Variants in TBCK observed in about 807,000 individuals in gnomAD.
The protein encoded by TBCK is TBC domain-containing protein kinase-like protein.
Under a neutral mutation model 113.4 loss-of-function variants are expected in TBCK, and 99 were observed. That is an observed-to-expected ratio of 0.87 (90% CI 0.74 to 1.03). The LOEUF is 1.03. Among genes scored for constraint, TBCK ranks in the 50% least tolerant of loss-of-function variants. The pLI is 0.00. For synonymous variants in TBCK, 369 were observed against 370.8 expected (o/e 1.00, Z 0.05); for missense variants, 1,045 against 1,061.3 (o/e 0.98, Z 0.21).
At position 106,171,241 on chromosome 4, in the gene TBCK, A is replaced by AT; in HGVS notation, c.2088dup (p.Ser697IlefsTer10). On this transcript the variant is annotated frameshift_variant, in exon 23 of 26. Coordinates refer to ENST00000394708, the MANE Select transcript of TBCK (RefSeq NM_001163435.3). LOFTEE classifies it high-confidence loss of function. ...GGAGTCCAACAAAACAGGTTGATAG[A>AT]TTCTCTCACACAGCGTTCAATGTCA... The AT allele has an allele frequency of 6.2e-7, 1 of 1,610,808 alleles. No homozygotes were observed. Among genetic ancestry groups the AT allele is most frequent in the Non-Finnish European group, 8.5e-7 (1 of 1,178,862 alleles).
intron 25 of TBCK, among the ~76,000 whole-genome samples, chr4:106,050,524 A>C (rs1159612585): frequency 6.6e-6 from 1 of 152,100 alleles, no homozygotes; most frequent in Admixed American, 6.6e-5. Flanking sequence ...GCTGGAAATC[A>C]GTAACAAAAG....
intron 23 of TBCK, among the ~76,000 whole-genome samples, chr4:106,168,961 T>C (rs1313630522): frequency 2.0e-5 from 3 of 152,024 alleles, no homozygotes; most frequent in African/African-American, 7.2e-5. Flanking sequence ...ACCAAGATGA[T>C]AGTCAAAGGA....
intron 24 of TBCK, among the ~76,000 whole-genome samples, chr4:106,114,712 T>C (rs865889292): frequency 6.6e-6 from 1 of 152,204 alleles, no homozygotes; most frequent in African/African-American, 2.4e-5. Flanking sequence ...AAGATTAAAA[T>C]AGGGTGTTAT....
intron 23 of TBCK, among the ~76,000 whole-genome samples, chr4:106,152,805 TGGTA>T (rs1478381934): frequency 6.6e-6 from 1 of 152,086 alleles, no homozygotes; most frequent in East Asian, 1.9e-4. Flanking sequence ...GGTTCAATCT[TGGTA>T]GGTTGTATGT....
chr4:106,093,325 T>G (rs900524964), intron 25 of TBCK, among the ~76,000 whole-genome samples: 2 of 152,098 alleles, frequency 1.3e-5, no homozygotes, highest in Non-Finnish European at 2.9e-5. Flanking sequence ...TCTAACATGG[T>G]GAAACCCCGT....
chr4:106,246,991 T>C, intron 10 of TBCK, 148 bp downstream of exon 10: 1 of 819,152 alleles, frequency 1.2e-6, no homozygotes, highest in Non-Finnish European at 1.8e-6. Flanking sequence ...AGCCAGTCAG[T>C]TATATTTTAA....
intron 20 of TBCK, among the ~76,000 whole-genome samples, chr4:106,197,403 G>GTATATATATATATATATATATATATA (rs1482373580): frequency 1.8e-5 from 2 of 111,018 alleles, no homozygotes; most frequent in African/African-American, 5.8e-5. Flanking sequence ...GTGTGTGTGT[G>GTATATATATATATATATATATATATA]TGTGTGTGTA....
At chr4:106,302,199 G>C (rs1767016641) in intron 2 of TBCK, among the ~76,000 whole-genome samples, 1 of 152,134 alleles carries the variant, frequency 6.6e-6, no homozygotes, top group African/African-American at 2.4e-5. Flanking sequence ...TGTTACCCTA[G>C]CAGAGAGGGC....
chr4:106,225,699 T>C (rs111385741), intron 19 of TBCK, among the ~76,000 whole-genome samples: 6,857 of 152,062 alleles, frequency 0.045, 514 homozygotes, highest in African/African-American at 0.15. Context: ...CGTCGTGATC[T>C]GCCCTCCTCG....
At chr4:106,094,635 T>C (rs145076206) in intron 25 of TBCK, among the ~76,000 whole-genome samples, 32 of 152,314 alleles carry the variant, frequency 2.1e-4, no homozygotes, top group Admixed American at 3.9e-4. Flanking sequence ...TGACAGAATT[T>C]TCCTAAGCAT....
intron 23 of TBCK, among the ~76,000 whole-genome samples, chr4:106,116,980 C>G (rs947615719): frequency 3.3e-5 from 5 of 152,034 alleles, no homozygotes; most frequent in East Asian, 1.9e-4. Flanking sequence ...TCATCCCCCC[C>G]CCATCTCAAA....
chr4:106,229,434 T>C (rs374986356), intron 19 of TBCK, among the ~76,000 whole-genome samples: 1 of 144,262 alleles, frequency 6.9e-6, no homozygotes, highest in Admixed American at 6.7e-5. Flanking sequence ...TGTTGACAGA[T>C]AGAGGTCTAG....
intron 23 of TBCK, among the ~76,000 whole-genome samples, chr4:106,129,410 G>A (rs528652143): frequency 1.6e-4 from 25 of 152,254 alleles, no homozygotes; most frequent in Admixed American, 7.9e-4. Context: ...CTGTTCCTGC[G>A]TTAGTTTGCT....
intron 20 of TBCK, among the ~76,000 whole-genome samples, chr4:106,203,228 C>T (rs1755079578): frequency 6.6e-6 from 1 of 151,158 alleles, no homozygotes; most frequent in Non-Finnish European, 1.5e-5. Flanking sequence ...CCTTCAGGCT[C>T]ATGTATGACA....
At chr4:106,188,667 C>A (rs1256369503) in intron 22 of TBCK, among the ~76,000 whole-genome samples, 1 of 152,168 alleles carries the variant, frequency 6.6e-6, no homozygotes, top group African/African-American at 2.4e-5. Flanking sequence ...TGTATAAGAA[C>A]TCAGATCTAC....
intron 21 of TBCK, 33 bp downstream of exon 21, chr4:106,194,685 A>C (rs763698674): frequency 4.4e-6 from 7 of 1,574,476 alleles, no homozygotes; most frequent in Non-Finnish European, 6.1e-6. Flanking sequence ...TTGCTAATAC[A>C]ATATCAAAAA....
chr4:106,235,150 C>T, intron 15 of TBCK, 119 bp downstream of exon 15: 1 of 568,716 alleles, frequency 1.8e-6, no homozygotes, highest in South Asian at 4.4e-5. Context: ...TATTCTAATG[C>T]TTATATTTTA....
In TBCK at chr4:106,230,279, A is replaced by T. The variant is rs1409960969; in HGVS notation, c.1774+84T>A. On this transcript the variant is annotated intron_variant, in intron 19 of 25. Coordinates refer to ENST00000394708, the MANE Select transcript of TBCK (RefSeq NM_001163435.3). ...CCATCATCGTATTTTTGGGGTCAAA[A>T]TCTTAAATTTAATCAAATATTACAT... The T allele has an allele frequency of 4.6e-6, 4 of 862,298 alleles. No homozygotes were observed. The East Asian group carries it at 8.5e-5, about 18-fold the overall frequency. The allele number at this position is 862,298 out of a possible 1,614,324, so 53.4% of individuals were successfully genotyped here. A position where few individuals can be genotyped will look rare whatever the true frequency, so the allele number is the denominator to read the frequency against.
intron 3 of TBCK, among the ~76,000 whole-genome samples, chr4:106,276,211 A>G (rs144509326): frequency 6.6e-6 from 1 of 152,206 alleles, no homozygotes; most frequent in Non-Finnish European, 1.5e-5. Context: ...ACTGGATATC[A>G]GTATGGGAAA....
Sources: gnomAD v4.1 joint callset for allele counts (sites outside exome capture counted in the v4.1 genomes callset) on GRCh38, gnomAD v4.1.1 for gene constraint, MANE v1.5 for transcripts, NCBI Gene and HGNC (gene_info 2026-07-23, HGNC 2026-07-21) for gene names.